The following RALGAPA2 variants were observed in gnomAD, a reference collection of about 807,000 sequenced individuals.
RALGAPA2 encodes the protein ral GTPase-activating protein subunit alpha-2.
Under a neutral mutation model 230.4 loss-of-function variants are expected in RALGAPA2, and 139 were observed. The observed-to-expected ratio is 0.60, with a 90% CI of 0.53 to 0.69. RALGAPA2 has a LOEUF of 0.69. RALGAPA2 is among the 30% of genes least tolerant of loss of function. The pLI is 0.00. For missense variants in RALGAPA2, 2,163 were observed against 2,276.0 expected (o/e 0.95, Z 1.01); for synonymous variants, 847 against 837.8 (o/e 1.01, Z -0.19).
chr20:20,407,631 A>G (rs1474313865), intron 38 of RALGAPA2, among the ~76,000 whole-genome samples: 1 of 152,138 alleles, frequency 6.6e-6, no homozygotes, highest in Non-Finnish European at 1.5e-5. Flanking sequence ...CTCCATCTGC[A>G]GTTTTAGGAG....
intron 10 of RALGAPA2, among the ~76,000 whole-genome samples, chr20:20,623,568 A>G (rs1376200097): frequency 6.6e-6 from 1 of 151,700 alleles, no homozygotes; most frequent in African/African-American, 2.4e-5. Flanking sequence ...AACACTAAGC[A>G]AAAAAATAAT....
intron 24 of RALGAPA2, among the ~76,000 whole-genome samples, chr20:20,544,480 T>G (rs1376346689): frequency 6.6e-6 from 1 of 152,116 alleles, no homozygotes; most frequent in Non-Finnish European, 1.5e-5. Context: ...GATCTAGAAC[T>G]AGAAATACCA....
intron 37 of RALGAPA2, among the ~76,000 whole-genome samples, chr20:20,415,097 T>G (rs920361630): frequency 5.3e-5 from 8 of 152,268 alleles, no homozygotes; most frequent in African/African-American, 1.9e-4. Context: ...CGCTGGGATC[T>G]TAACTGAATT....
intron 3 of RALGAPA2, among the ~76,000 whole-genome samples, chr20:20,673,240 AAAG>A (rs2068200434): frequency 6.6e-6 from 1 of 151,504 alleles, no homozygotes; most frequent in Admixed American, 6.6e-5. Context: ...AAATGAAAAA[AAAG>A]AAGCCAGAAA....
At chr20:20,406,227 T>C (rs547707775) in intron 38 of RALGAPA2, among the ~76,000 whole-genome samples, 1 of 152,212 alleles carries the variant, frequency 6.6e-6, no homozygotes, top group East Asian at 1.9e-4. Flanking sequence ...TAAATCCGAA[T>C]CTAGTGGAGG....
At chr20:20,467,229 A>G (rs2061438492) in intron 37 of RALGAPA2, among the ~76,000 whole-genome samples, 1 of 152,160 alleles carries the variant, frequency 6.6e-6, no homozygotes, top group African/African-American at 2.4e-5. Flanking sequence ...TATTTTACCA[A>G]AATCAAGATG....
intron 22 of RALGAPA2, 115 bp from the exon 23 acceptor site, chr20:20,571,728 T>C: frequency 2.0e-6 from 3 of 1,465,138 alleles, no homozygotes; most frequent in Non-Finnish European, 2.8e-6. Context: ...GGGATGCAGT[T>C]ACTTTAGTAA....
intron 37 of RALGAPA2, among the ~76,000 whole-genome samples, chr20:20,458,496 ATATT>A (rs1225776223): frequency 5.9e-5 from 8 of 135,280 alleles, no homozygotes; most frequent in African/African-American, 2.2e-4. Flanking sequence ...TATTTTATAT[ATATT>A]ATATATAATA....
At chr20:20,492,429 T>C (rs2062084187) in intron 36 of RALGAPA2, among the ~76,000 whole-genome samples, 1 of 152,204 alleles carries the variant, frequency 6.6e-6, no homozygotes, top group South Asian at 2.1e-4. Context: ...GTCATTACAA[T>C]TTCTAAGAAA....
chr20:20,406,261 A>C (rs1409028721), intron 38 of RALGAPA2, among the ~76,000 whole-genome samples: 5 of 152,140 alleles, frequency 3.3e-5, no homozygotes, highest in African/African-American at 1.2e-4. Context: ...GTATCTTTAC[A>C]GCTTCACAGG....
chr20:20,447,040 T>A (rs990065189), intron 37 of RALGAPA2, among the ~76,000 whole-genome samples: 1 of 152,228 alleles, frequency 6.6e-6, no homozygotes, highest in Admixed American at 6.5e-5. Flanking sequence ...GATTTCAACA[T>A]TTTAATACAA....
intron 17 of RALGAPA2, among the ~76,000 whole-genome samples, chr20:20,589,623 A>G (rs2065228964): frequency 6.6e-6 from 1 of 152,024 alleles, no homozygotes; most frequent in South Asian, 2.1e-4. Context: ...TAGCGCATTT[A>G]TGTTCGCACA....
At chr20:20,695,579 T>C (rs2069080963) in intron 1 of RALGAPA2, among the ~76,000 whole-genome samples, 2 of 152,316 alleles carry the variant, frequency 1.3e-5, no homozygotes, top group South Asian at 2.1e-4. Context: ...TAGCACACTA[T>C]AAAAGTGCTA....
Position 20,434,349 on chromosome 20 carries a change from TA to T in RALGAPA2, c.5496-22202del, listed in dbSNP as rs1334413500. Among the ~76,000 whole-genome samples the T allele has an allele frequency of 1.1e-4, 16 of 151,902 alleles. 1 individual carries two copies. The highest frequency in any genetic ancestry group is 3.9e-4 in the African/African-American group (16 of 41,328). On this transcript the variant is annotated intron_variant, in intron 37 of 39. Coordinates refer to ENST00000202677, the MANE Select transcript of RALGAPA2 (RefSeq NM_020343.4). ...GCAACGAGGCCTTGGATTTTAAAAT[TA>T]ATAAGTTCAAAGCCTGATGAGATGG...
At chr20:20,692,975 A>C (rs1217641736) in intron 1 of RALGAPA2, among the ~76,000 whole-genome samples, 1 of 152,236 alleles carries the variant, frequency 6.6e-6, no homozygotes, top group Non-Finnish European at 1.5e-5. Flanking sequence ...AGCTGAAATA[A>C]AATTTGCCAA....
At position 20,391,099 on chromosome 20, in the gene RALGAPA2, G is replaced by A. The variant is rs973838463; in HGVS notation, c.*2190C>T. The A allele has an allele frequency of 6.6e-6, 1 of 152,224 alleles. No individual in the cohort carries two copies. Among genetic ancestry groups the A allele is most frequent in the Non-Finnish European group, 1.5e-5 (1 of 68,050 alleles). 9.4% of individuals were successfully genotyped at this position (152,224 alleles called of 1,614,324 possible). ...TCCGCAACAGGAGTTTCTAGAGCCT[G>A]AAGATGAAACGTTCTCCCAGAGGCG... On this transcript the variant is annotated 3_prime_UTR_variant, in exon 40 of 40. Coordinates refer to ENST00000202677, the MANE Select transcript of RALGAPA2 (RefSeq NM_020343.4).
At chr20:20,430,972 A>G (rs1602346783) in intron 37 of RALGAPA2, among the ~76,000 whole-genome samples, 1 of 152,024 alleles carries the variant, frequency 6.6e-6, no homozygotes, top group Non-Finnish European at 1.5e-5. Context: ...TATGACAGGA[A>G]TGACTTTGGG....
intron 36 of RALGAPA2, among the ~76,000 whole-genome samples, chr20:20,477,672 G>A (rs368925081): frequency 2.0e-5 from 3 of 152,140 alleles, no homozygotes; most frequent in East Asian, 3.9e-4. Flanking sequence ...AGCAACCTCC[G>A]CCTCCCCGGT....
chr20:20,608,675 C>T (rs1603046294), intron 14 of RALGAPA2, among the ~76,000 whole-genome samples: 1 of 152,162 alleles, frequency 6.6e-6, no homozygotes, highest in South Asian at 2.1e-4. Context: ...TTAACGGCAG[C>T]GTGGGACCAA....
Sources: gnomAD v4.1 joint callset for allele counts (sites outside exome capture counted in the v4.1 genomes callset) on GRCh38, gnomAD v4.1.1 for gene constraint, MANE v1.5 for transcripts, NCBI Gene and HGNC (gene_info 2026-07-23, HGNC 2026-07-21) for gene names.